MRPL24: variants seen among roughly 807,000 people sequenced by gnomAD.
MRPL24 encodes mitochondrial ribosomal protein L24, also known as large ribosomal subunit protein uL24m.
Under a neutral mutation model 26.9 loss-of-function variants are expected in MRPL24, and 15 were observed. The ratio of observed to expected loss-of-function variants is 0.56; its 90% confidence interval spans 0.37 to 0.86. MRPL24 has a LOEUF of 0.86. MRPL24 is among the 40% of genes least tolerant of loss of function. MRPL24 has a pLI of 0.00. For synonymous variants in MRPL24, 92 were observed against 102.4 expected (o/e 0.90, Z 0.62); for missense variants, 241 against 281.4 (o/e 0.86, Z 1.03).
intron 2 of MRPL24, 35 bp from the exon 3 acceptor site, chr1:156,738,473 C>T: frequency 6.2e-7 from 1 of 1,613,920 alleles, no homozygotes; most frequent in South Asian, 1.1e-5. Flanking sequence ...GAGGGGGATC[C>T]TTGCCCAGGA....
At chr1:156,741,642 A>G (rs1408274956), upstream of MRPL24, 1 of 152,160 alleles carries the variant, frequency 6.6e-6, no homozygotes, top group Non-Finnish European at 1.5e-5. Flanking sequence ...CTCAGGGAGT[A>G]CTGGCGGAAT....
intron 4 of MRPL24, 86 bp downstream of exon 4, chr1:156,737,945 A>G (rs1192292767): frequency 1.9e-5 from 28 of 1,464,444 alleles, no homozygotes; most frequent in South Asian, 2.4e-5. Context: ...CTTAATTTCC[A>G]GAGCATCCAA....
rs1196785424 is a variant in MRPL24 at position 156,737,715 on chromosome 1, G to A, written c.445C>T (p.Arg149Ter). Residue 149 changes from arginine (R) to a stop codon, truncating the protein, a stop_gained, in exon 5 of 6, where the codon CGA becomes TGA. Transcript: ENST00000361531. LOFTEE classifies it high-confidence loss of function. Reference sequence around the variant, plus strand: ...GGTTTAGGGATAATTCTCCCTGATCGTGTGGAGACTCGTACCCGCTCTCCT... The same window carrying A: ...GGTTTAGGGATAATTCTCCCTGATCATGTGGAGACTCGTACCCGCTCTCCT... The part of the protein sequence containing the change: ...EAGERVRVST[R>*]SGRIIPKPEF... The A allele has an allele frequency of 3.7e-6, 6 of 1,613,938 alleles. No individual in the cohort carries two copies. Among genetic ancestry groups the A allele is most frequent in the Admixed American group, 1.7e-5 (1 of 59,982 alleles).
intron 1 of MRPL24, among the ~76,000 whole-genome samples, chr1:156,739,117 T>C (rs1649996508): frequency 6.6e-6 from 1 of 152,148 alleles, no homozygotes; most frequent in Admixed American, 6.6e-5. Context: ...AAACAGAGGA[T>C]GGAACGCTGG....
upstream of MRPL24, chr1:156,742,525 A>AT (rs60294423): frequency 0.042 from 6,422 of 152,514 alleles, 176 homozygotes; most frequent in African/African-American, 0.064. Flanking sequence ...GGTCTTTAAA[A>AT]TTTTTTTTTG....
At position 156,737,390 on chromosome 1, in the gene MRPL24, C is replaced by T. The variant is rs182954014; in HGVS notation, c.*8G>A. 1.8e-4 allele frequency: 287 copies of T among 1,561,808 alleles called. 1 individual carries two copies. The African/African-American group carries it at 3.5e-3, about 19-fold the overall frequency. ...CAGAAGTTGGGGAGGAGCTGCTCTG[C>T]CCCAGGCTCAATACCAATAGACCTT... On this transcript the variant is annotated 3_prime_UTR_variant, in exon 6 of 6. Transcript: ENST00000361531.
At chr1:156,741,312 G>T (rs1445529416), upstream of MRPL24, 1 of 152,210 alleles carries the variant, frequency 6.6e-6, no homozygotes, top group African/African-American at 2.4e-5. Flanking sequence ...TGGTTCGGCT[G>T]GCCCGCCTGG....
In MRPL24 at chr1:156,737,484, G is replaced by A. The variant is rs747684330; in HGVS notation, c.565C>T (p.Pro189Ser). The change falls in exon 6 of 6, where the codon CCC (proline) becomes TCC (serine). Residue 189 changes from proline (P) to serine (S), a missense_variant. By Grantham distance (74) the Pro-to-Ser change is moderately conservative (BLOSUM62 -1). Coordinates refer to ENST00000361531, the MANE Select transcript of MRPL24 (RefSeq NM_145729.3). ...VEDALERTYV[P>S]CLKTLQEEVM... Reference sequence around the variant, plus strand: ...TCCTCCTGCAGTGTCTTTAGACAGGGCACATAGGTTCTTTCTAAAGCATCT... The same window carrying A: ...TCCTCCTGCAGTGTCTTTAGACAGGACACATAGGTTCTTTCTAAAGCATCT... 1.9e-6 allele frequency: 3 copies of A among 1,612,134 alleles called. No individual in the cohort carries two copies. The highest frequency in any genetic ancestry group is 2.5e-6 in the Non-Finnish European group (3 of 1,179,170).
chr1:156,737,888 C>T, intron 4 of MRPL24, 112 bp from the exon 5 acceptor site: 2 of 1,502,588 alleles, frequency 1.3e-6, no homozygotes, highest in Non-Finnish European at 1.8e-6. Context: ...TTCTCCACCT[C>T]TGTGTTGGGG....
chr1:156,738,329 C>T lies in MRPL24; in HGVS notation c.279+14G>A, dbSNP rs1049813276. On this transcript the variant is annotated intron_variant, in intron 3 of 5. Transcript: ENST00000361531. Reference sequence around the variant, plus strand: ...CAGGCTTCCTGAGCATCCCCATCCCCTCTCTCAACTTACTGTGTTCAGCCC... The same window carrying T: ...CAGGCTTCCTGAGCATCCCCATCCCTTCTCTCAACTTACTGTGTTCAGCCC... The T allele has an allele frequency of 1.9e-6, 3 of 1,612,832 alleles. No individual in the cohort carries two copies. In the African/African-American group the frequency reaches 4.0e-5, roughly 22 times the overall value.
At chr1:156,737,927 T>C in intron 4 of MRPL24, 104 bp downstream of exon 4, 1 of 1,421,330 alleles carries the variant, frequency 7.0e-7, no homozygotes. Flanking sequence ...GTCCATGAGA[T>C]GGTCCCTCTT....
chr1:156,738,798 C>T, intron 1 of MRPL24, 34 bp from the exon 2 acceptor site: 1 of 1,225,772 alleles, frequency 8.2e-7, no homozygotes, highest in Non-Finnish European at 1.1e-6. Context: ...AACAAAGAGG[C>T]AAGGGAAGGA....
In MRPL24 at chr1:156,738,350, A is replaced by G. The variant is rs376958674; in HGVS notation, c.272T>C (p.Leu91Pro). Residue 91 changes from leucine (L) to proline (P), a missense_variant, in exon 3 of 6, where the codon CTG (leucine) becomes CCG (proline). By Grantham distance (98) the Leu-to-Pro change is moderately conservative. Transcript: ENST00000361531. The stretch of plus-strand genomic sequence containing the variant: ...TCCCCTCTCTCAACTTACTGTGTTC[A>G]GCCCTCCCACGACCACCCAGTTTCG... Reference protein sequence around the residue: ...RQRNWVVVGGLNTHYRYIGKT... With the variant: ...RQRNWVVVGGPNTHYRYIGKT... 6 of 1,614,076 alleles carry G rather than the reference A, an allele frequency of 3.7e-6. No individual in the cohort carries two copies. Among genetic ancestry groups the G allele is most frequent in the Middle Eastern group, 1.6e-4 (1 of 6,062 alleles).
At chr1:156,739,511 C>A (rs541786789) in intron 1 of MRPL24, among the ~76,000 whole-genome samples, 1 of 152,232 alleles carries the variant, frequency 6.6e-6, no homozygotes, top group South Asian at 2.1e-4. Context: ...CATGATTAAC[C>A]TCATTTTATA....
chr1:156,737,731 C>T lies in MRPL24; in HGVS notation c.429G>A (p.Arg143=), dbSNP rs931466154. ...TCCCTGATCGTGTGGAGACTCGTAC[C>T]CGCTCTCCTGCTTCAGTAAATCTCC... ...IEWRFTEAGE[R]VRVSTRSGRI... is the part of the protein sequence containing the mutation. The change falls in exon 5 of 6, where the codon CGG becomes CGA. Residue 143 remains arginine (R), a synonymous_variant. Transcript: ENST00000361531. 6 of 1,614,126 alleles carry T rather than the reference C, an allele frequency of 3.7e-6. No homozygotes were observed. In the East Asian group the frequency reaches 1.3e-4, roughly 36 times the overall value.
chr1:156,738,393 C>A lies in MRPL24; in HGVS notation c.229G>T (p.Val77Phe). 6.2e-7 allele frequency: 1 copy of A among 1,614,164 alleles called. No individual in the cohort carries two copies. The highest frequency in any genetic ancestry group is 1.3e-5 in the African/African-American group (1 of 75,038). The change falls in exon 3 of 6, where the codon GTT (valine) becomes TTT (phenylalanine). Residue 77 changes from valine to phenylalanine, a missense_variant. Physicochemically the swap from Val to Phe is conservative, Grantham distance 50. Transcript: ENST00000361531. ...CAGTTTCGCTGCCGGATAACTTGAA[C>A]CACTTTGCCCTGCTTCCCGGCATCC... is the stretch of plus-strand genomic sequence containing the variant. ...GKDAGKQGKV[V>F]QVIRQRNWVV... is the part of the protein sequence containing the mutation.
chr1:156,738,871 G>A, intron 1 of MRPL24, 107 bp from the exon 2 acceptor site: 1 of 590,386 alleles, frequency 1.7e-6, no homozygotes, highest in Non-Finnish European at 2.9e-6. Flanking sequence ...CCTCACAAGA[G>A]GTTATCATCT....
chr1:156,741,944 C>T (rs1322501722), upstream of MRPL24, among the ~76,000 whole-genome samples: 2 of 152,156 alleles, frequency 1.3e-5, no homozygotes, highest in Non-Finnish European at 2.9e-5. Flanking sequence ...GTTTATTCTA[C>T]GACTCTGCCC....
intron 1 of MRPL24, among the ~76,000 whole-genome samples, chr1:156,740,726 C>T (rs867191531): frequency 1.3e-5 from 2 of 152,174 alleles, no homozygotes; most frequent in Non-Finnish European, 1.5e-5. Flanking sequence ...AGCTTGCATG[C>T]CCCCGAGATC....
Sources: gnomAD v4.1 joint callset for allele counts (sites outside exome capture counted in the v4.1 genomes callset) on GRCh38, gnomAD v4.1.1 for gene constraint, MANE v1.5 for transcripts, NCBI Gene and HGNC (gene_info 2026-07-23, HGNC 2026-07-21) for gene names.